Variants in GINS3 observed in about 807,000 individuals in gnomAD.
GINS3 encodes the protein DNA replication complex GINS protein PSF3.
In GINS3, 18 loss-of-function variants were observed where a neutral mutation model predicts 20.0. The ratio of observed to expected loss-of-function variants is 0.90; its 90% CI spans 0.62 to 1.33. GINS3 has a LOEUF of 1.33. Among genes scored for constraint, GINS3 ranks in the 40% most tolerant of loss-of-function variants. The probability of loss-of-function intolerance (pLI) is 0.00; values close to 1 mark genes in which losing one functional copy is unlikely to be tolerated. For missense variants in GINS3, 254 were observed against 273.6 expected (o/e 0.93, Z 0.51); for synonymous variants, 109 against 107.0 (o/e 1.02, Z -0.12).
intron 2 of GINS3, 59 bp from the exon 3 acceptor site, chr16:58,404,440 G>T: frequency 9.3e-7 from 1 of 1,072,476 alleles, no homozygotes; most frequent in Admixed American, 1.8e-5. Context: ...GATAAAAATG[G>T]ATATGACTTT....
At chr16:58,396,403 C>A (rs572330070) in intron 1 of GINS3, among the ~76,000 whole-genome samples, 2 of 123,920 alleles carry the variant, frequency 1.6e-5, no homozygotes, top group Non-Finnish European at 1.7e-5. Flanking sequence ...GACCCCCCCA[C>A]CTCCCTCCCG....
In GINS3 at chr16:58,404,793, T is replaced by C. The variant is rs45439399; in HGVS notation, c.*64T>C. The C allele has an allele frequency of 0.02, 22,958 of 1,155,374 alleles. 279 individuals carry two copies. The highest frequency in any genetic ancestry group is 0.024 in the Non-Finnish European group (19,014 of 786,964). The allele number at this position is 1,155,374 out of a possible 1,614,324, so 71.6% of individuals were successfully genotyped here. On this transcript the variant is annotated 3_prime_UTR_variant, in exon 3 of 3. Transcript: ENST00000318129. ...CCCTCCGTGTGTCCTTGATAGGAGC[T>C]GGTTGACCTTGTACAGAACCAGAAT...
At chr16:58,396,423 GC>G (rs1965860555) in intron 1 of GINS3, among the ~76,000 whole-genome samples, 3 of 116,384 alleles carry the variant, frequency 2.6e-5, no homozygotes, top group African/African-American at 1.1e-4. Flanking sequence ...GGACGGGGCG[GC>G]TGGCTGGGCA....
intron 1 of GINS3, chr16:58,395,023 G>A: frequency 2.1e-6 from 1 of 484,298 alleles, no homozygotes; most frequent in Non-Finnish European, 3.6e-6. Context: ...ATTTCTTCTT[G>A]TGTTAGTTTT....
intron 1 of GINS3, among the ~76,000 whole-genome samples, chr16:58,393,108 A>G (rs553264199): frequency 2.9e-4 from 44 of 152,326 alleles, no homozygotes; most frequent in African/African-American, 1.0e-3. Context: ...TTGAATGCTT[A>G]AAGATTGGCT....
chr16:58,402,990 C>T, intron 1 of GINS3, 108 bp from the exon 2 acceptor site: 1 of 853,804 alleles, frequency 1.2e-6, no homozygotes, highest in South Asian at 1.7e-5. Context: ...AGCCACTCCC[C>T]CAAAGAGAAA....
intron 1 of GINS3, among the ~76,000 whole-genome samples, chr16:58,402,044 C>A (rs1965963067): frequency 6.6e-6 from 1 of 152,142 alleles, no homozygotes; most frequent in South Asian, 2.1e-4. Context: ...CTTTCTTTTA[C>A]ACCTTATTTC....
chr16:58,396,910 C>T (rs1965879710), intron 1 of GINS3, among the ~76,000 whole-genome samples: 1 of 148,830 alleles, frequency 6.7e-6, no homozygotes, highest in Non-Finnish European at 1.5e-5. Flanking sequence ...CACCTCCTTC[C>T]CGGACGGGGC....
chr16:58,404,770 C>G lies in GINS3; in HGVS notation c.*41C>G. ...AGAATGGCTCCTCACAGACGTATCC[C>G]TCCGTGTGTCCTTGATAGGAGCTGG... On this transcript the variant is annotated 3_prime_UTR_variant, in exon 3 of 3. Coordinates refer to ENST00000318129, the MANE Select transcript of GINS3 (RefSeq NM_022770.4). 7.2e-7 allele frequency: 1 copy of G among 1,397,896 alleles called. No homozygotes were observed. The highest frequency in any genetic ancestry group is 1.0e-6 in the Non-Finnish European group (1 of 994,574). The allele number at this position is 1,397,896 out of a possible 1,614,324, so 86.6% of individuals were successfully genotyped here.
rs397771497 is a variant in GINS3, at chr16:58,406,131, T to TAAAC, written c.*1402_*1403insAAAC. 2.0e-5 allele frequency: 3 copies of TAAAC among 151,396 alleles called. No homozygotes were observed. Among genetic ancestry groups the TAAAC allele is most frequent in the African/African-American group, 7.3e-5 (3 of 41,160 alleles). The allele number at this position is 151,396 out of a possible 1,614,324, so 9.4% of individuals were successfully genotyped here. A position where few individuals can be genotyped will look rare whatever the true frequency, so the allele number is the denominator to read the frequency against. On this transcript the variant is annotated 3_prime_UTR_variant, in exon 3 of 3. Coordinates refer to ENST00000318129, the MANE Select transcript of GINS3 (RefSeq NM_022770.4). ...ATCATATTTGACGGTAATACACAAA[T>TAAAC]CCATGTTTTAGCAGCTGCTCTTTTG...
At chr16:58,393,464 C>T (rs538727656) in intron 1 of GINS3, 1 of 152,148 alleles carries the variant, frequency 6.6e-6, no homozygotes, top group Non-Finnish European at 1.5e-5. Context: ...CCTGTTTCAC[C>T]TAAGTTTTGT....
At chr16:58,403,012 C>T (rs548476552) in intron 1 of GINS3, 86 bp from the exon 2 acceptor site, 6 of 1,064,572 alleles carry the variant, frequency 5.6e-6, no homozygotes, top group African/African-American at 3.1e-5. Context: ...GGCAGTATTG[C>T]GCAGGCGATG....
chr16:58,393,475 A>G (rs1237087247), intron 1 of GINS3: 1 of 152,246 alleles, frequency 6.6e-6, no homozygotes, highest in Non-Finnish European at 1.5e-5. Context: ...TAAGTTTTGT[A>G]TAGAACGATG....
chr16:58,393,325 A>T (rs1399479634), intron 1 of GINS3, among the ~76,000 whole-genome samples: 1 of 152,140 alleles, frequency 6.6e-6, no homozygotes, highest in East Asian at 1.9e-4. Flanking sequence ...ATCCTTCAGC[A>T]ACCAGAAAGG....
At position 58,397,341 on chromosome 16, in the gene GINS3, A is replaced by G. The variant is rs1487131165; in HGVS notation, c.186+4554A>G. Among the ~76,000 whole-genome samples the G allele has an allele frequency of 5.4e-5, 8 of 148,270 alleles. 1 individual carries two copies. Among genetic ancestry groups the G allele is most frequent in the African/African-American group, 2.1e-4 (8 of 38,632 alleles). On this transcript the variant is annotated intron_variant, in intron 1 of 2. Transcript: ENST00000318129. Reference sequence around the variant, plus strand: ...CCTAGATGGGATGGCGGCCGGGCAGAGACGCTCCTCACTTTCCAGACTGGG... The same window carrying G: ...CCTAGATGGGATGGCGGCCGGGCAGGGACGCTCCTCACTTTCCAGACTGGG...
At chr16:58,400,575 T>G (rs1385354922) in intron 1 of GINS3, among the ~76,000 whole-genome samples, 1 of 152,232 alleles carries the variant, frequency 6.6e-6, no homozygotes, top group Non-Finnish European at 1.5e-5. Flanking sequence ...AGTTCCCAAA[T>G]GCCAACCAAG....
At chr16:58,395,077 T>C (rs550999567) in intron 1 of GINS3, 248 of 101,966 alleles carry the variant, frequency 2.4e-3, no homozygotes, top group African/African-American at 0.015. Context: ...TTTTATCTAA[T>C]TTTTTTTTTT....
In GINS3 at chr16:58,404,639, G is replaced by T; in HGVS notation, c.561G>T (p.Gln187His). ...QTGQKGLNDF[Q>H]CWEKGQASQI... is the part of the protein sequence containing the mutation. ...GGCAGAAAGGACTGAATGACTTTCA[G>T]TGTTGGGAGAAGGGGCAGGCTTCTC... The change falls in exon 3 of 3, where the codon CAG becomes CAT. Residue 187 changes from glutamine (Q) to histidine (H), a missense_variant. Physicochemically the swap from Gln to His is conservative, Grantham distance 24. Coordinates refer to ENST00000318129, the MANE Select transcript of GINS3 (RefSeq NM_022770.4). 1 of 1,614,186 alleles carries T rather than the reference G, an allele frequency of 6.2e-7. No individual in the cohort carries two copies. Among genetic ancestry groups the T allele is most frequent in the Non-Finnish European group, 8.5e-7 (1 of 1,180,022 alleles).
At chr16:58,398,723 A>G (rs1423124746) in intron 1 of GINS3, among the ~76,000 whole-genome samples, 1 of 151,878 alleles carries the variant, frequency 6.6e-6, no homozygotes, top group Admixed American at 6.6e-5. Context: ...TTAGAAGACT[A>G]GTGCTTAATT....
Sources: allele counts gnomAD v4.1 joint callset (sites outside exome capture counted in the v4.1 genomes callset), GRCh38; gene constraint gnomAD v4.1.1; transcripts MANE v1.5; gene names NCBI Gene and HGNC (gene_info 2026-07-23, HGNC 2026-07-21).